The following PRKAA2 variants were observed in gnomAD, a reference collection of about 807,000 sequenced individuals.
The protein encoded by PRKAA2 is protein kinase AMP-activated catalytic subunit alpha 2.
PRKAA2 carries 40 observed loss-of-function variants against 56.3 expected under a neutral mutation model. The observed-to-expected ratio is 0.71, with a 90% confidence interval of 0.55 to 0.92. The LOEUF is 0.92. Among genes scored for constraint, PRKAA2 ranks in the 40% least tolerant of loss-of-function variants. PRKAA2 has a pLI of 0.00. For missense variants in PRKAA2, 542 were observed against 686.9 expected, an observed-to-expected ratio of 0.79 and a Z score of 2.36; for synonymous variants, 214 against 234.2, an observed-to-expected ratio of 0.91 and a Z score of 0.79.
In PRKAA2 at chr1:56,691,447, C is replaced by A; in HGVS notation, c.290C>A (p.Ser97Tyr). Residue 97 changes from serine (S) to tyrosine (Y), a missense_variant, in exon 3 of 9, where the codon TCT becomes TAT. Physicochemically the swap from Ser to Tyr is moderately radical, Grantham distance 144 (BLOSUM62 -2). This residue lies in a region of PRKAA2 where 121 missense variants were observed against 210.0 expected (regional missense o/e 0.58). Transcript: ENST00000371244. ...TDFFMVMEYV[S>Y]GGELFDYICK... ...TTTTTTATGGTAATGGAATATGTGT[C>A]TGGAGGTGAATTATTTGACTACATC... The A allele has an allele frequency of 6.2e-7, 1 of 1,612,370 alleles. No homozygotes were observed. Among genetic ancestry groups the A allele is most frequent in the South Asian group, 1.1e-5 (1 of 90,960 alleles).
chr1:56,664,037 G>T (rs756063262), intron 1 of PRKAA2, among the ~76,000 whole-genome samples: 1 of 152,148 alleles, frequency 6.6e-6, no homozygotes, highest in Non-Finnish European at 1.5e-5. Context: ...GGTCAGGGTT[G>T]CAGGGAGCAG....
chr1:56,668,040 T>C (rs1297709459), intron 1 of PRKAA2, among the ~76,000 whole-genome samples: 1 of 152,274 alleles, frequency 6.6e-6, no homozygotes, highest in African/African-American at 2.4e-5. Context: ...TAAAATACGA[T>C]GATAGACTTG....
chr1:56,666,750 A>G (rs1265288323), intron 1 of PRKAA2, among the ~76,000 whole-genome samples: 1 of 152,208 alleles, frequency 6.6e-6, no homozygotes, highest in Non-Finnish European at 1.5e-5. Context: ...AGACAGGCAG[A>G]GACATATATA....
chr1:56,671,386 C>T (rs1644075413), intron 1 of PRKAA2: 1 of 151,984 alleles, frequency 6.6e-6, no homozygotes, highest in Non-Finnish European at 1.5e-5. Flanking sequence ...TATAAAATTC[C>T]CAAAGATGAG....
chr1:56,681,849 G>A (rs7553414), intron 2 of PRKAA2, among the ~76,000 whole-genome samples: 18,459 of 151,970 alleles, frequency 0.12, 1,692 homozygotes, highest in African/African-American at 0.25. Context: ...GCTCTTTTTT[G>A]GTTCCATATG....
chr1:56,674,410 G>T lies in PRKAA2; in HGVS notation c.124G>T (p.Val42Leu). The T allele has an allele frequency of 1.3e-6, 2 of 1,580,098 alleles. No individual in the cohort carries two copies. The highest frequency in any genetic ancestry group is 8.6e-7 in the Non-Finnish European group (1 of 1,166,900). Reference sequence around the variant, plus strand: ...AGAACATCAATTAACAGGCCATAAAGTGGCAGTTAAAATCTTAAATAGACA... The same window carrying T: ...AGAACATCAATTAACAGGCCATAAATTGGCAGTTAAAATCTTAAATAGACA... ...IGEHQLTGHK[V>L]AVKILNRQKI... The change falls in exon 2 of 9, where the codon GTG becomes TTG. Residue 42 changes from valine (V) to leucine (L), a missense_variant. Around this residue, in one of 5 missense-constraint regions of PRKAA2, gnomAD observed 59 missense variants for 53.9 expected, o/e 1.09. Coordinates refer to ENST00000371244, the MANE Select transcript of PRKAA2 (RefSeq NM_006252.4).
At position 56,712,354 on chromosome 1, in the gene PRKAA2, G is replaced by A. The variant is rs1644374115; in HGVS notation, c.*4641G>A. 6.6e-6 allele frequency: 1 copy of A among 152,124 alleles called. No individual in the cohort carries two copies. The highest frequency in any genetic ancestry group is 1.9e-4 in the East Asian group (1 of 5,192). 9.4% of individuals were successfully genotyped at this position (152,124 alleles called of 1,614,324 possible). On this transcript the variant is annotated 3_prime_UTR_variant, in exon 9 of 9. Transcript: ENST00000371244. ...CTTTCAAGTCTTAGAGTGACATAAA[G>A]TAGTCTTAAATAAATAGTTCTTAGT...
In PRKAA2 at chr1:56,657,744, A is replaced by C. The variant is rs113190087; in HGVS notation, c.94+12263A>C. Among the ~76,000 whole-genome samples the C allele has an allele frequency of 3.1e-3, 471 of 152,320 alleles. 2 individuals carry two copies. The highest frequency in any genetic ancestry group is 0.01 in the African/African-American group (433 of 41,552). Reference sequence around the variant, plus strand: ...AGCAAGACTCCGTCTCAAAATAAATAAATGAATGAAAGAAGGAAGGAAGGC... The same window carrying C: ...AGCAAGACTCCGTCTCAAAATAAATCAATGAATGAAAGAAGGAAGGAAGGC... On this transcript the variant is annotated intron_variant, in intron 1 of 8. Transcript: ENST00000371244.
intron 1 of PRKAA2, among the ~76,000 whole-genome samples, chr1:56,656,788 G>T (rs1015970239): frequency 6.6e-6 from 1 of 152,112 alleles, no homozygotes; most frequent in African/African-American, 2.4e-5. Context: ...GATGTTTTTG[G>T]TTATGCCATC....
rs1394544976 is a variant in PRKAA2, at chr1:56,712,867, G to A, written c.*5154G>A. 6.6e-6 allele frequency: 1 copy of A among 151,616 alleles called. No homozygotes were observed. The highest frequency in any genetic ancestry group is 6.6e-5 in the Admixed American group (1 of 15,192). The allele number at this position is 151,616 out of a possible 1,614,324, so 9.4% of individuals were successfully genotyped here. The stretch of plus-strand genomic sequence containing the variant: ...ACTGTCTCAAAAAAAAACAAAAAAA[G>A]GAAAAAGAAAACTAGCCCCAGTCCC... On this transcript the variant is annotated 3_prime_UTR_variant, in exon 9 of 9. Coordinates refer to ENST00000371244, the MANE Select transcript of PRKAA2 (RefSeq NM_006252.4).
At chr1:56,661,555 T>G (rs561210640) in intron 1 of PRKAA2, among the ~76,000 whole-genome samples, 1 of 152,326 alleles carries the variant, frequency 6.6e-6, no homozygotes, top group African/African-American at 2.4e-5. Context: ...ACTATACTAT[T>G]ATTTGTCCAT....
intron 7 of PRKAA2, 123 bp downstream of exon 7, chr1:56,704,598 A>T: frequency 9.0e-7 from 1 of 1,108,360 alleles, no homozygotes; most frequent in Non-Finnish European, 1.3e-6. Context: ...TGCACATTAA[A>T]AACAAAACAA....
intron 2 of PRKAA2, among the ~76,000 whole-genome samples, chr1:56,685,704 C>A (rs1288613447): frequency 6.6e-6 from 1 of 152,048 alleles, no homozygotes; most frequent in Non-Finnish European, 1.5e-5. Flanking sequence ...GTGCATTTTG[C>A]TGCTATAAAG....
At position 56,660,039 on chromosome 1, in the gene PRKAA2, A is replaced by G. The variant is rs541372535; in HGVS notation, c.95-14342A>G. ...ATGTAAAATAGCCCATTTTCCTGTCACCTTGTCACTCTGCTTTCTTCATGT... is the reference window on the plus strand; with the variant it reads ...ATGTAAAATAGCCCATTTTCCTGTCGCCTTGTCACTCTGCTTTCTTCATGT... On this transcript the variant is annotated intron_variant, in intron 1 of 8. Coordinates refer to ENST00000371244, the MANE Select transcript of PRKAA2 (RefSeq NM_006252.4). 2.6e-3 allele frequency among the ~76,000 whole-genome samples: 393 copies of G among 152,222 alleles called. 2 individuals carry two copies. The highest frequency in any genetic ancestry group is 9.3e-3 in the African/African-American group (385 of 41,532).
At chr1:56,647,383 T>A (rs1284426860) in intron 1 of PRKAA2, among the ~76,000 whole-genome samples, 1 of 152,240 alleles carries the variant, frequency 6.6e-6, no homozygotes, top group Non-Finnish European at 1.5e-5. Context: ...AAGTTTTTGC[T>A]TGTCTTTTTA....
intron 5 of PRKAA2, among the ~76,000 whole-genome samples, chr1:56,695,197 T>TG (rs1557559966): frequency 7.7e-4 from 114 of 147,654 alleles, no homozygotes; most frequent in African/African-American, 2.6e-3. Context: ...TATATATATA[T>TG]ATATATTTTT....
chr1:56,664,050 A>G (rs1470829787), intron 1 of PRKAA2, among the ~76,000 whole-genome samples: 2 of 152,174 alleles, frequency 1.3e-5, no homozygotes, highest in Non-Finnish European at 2.9e-5. Context: ...GGGAGCAGTG[A>G]TTGCATCACT....
chr1:56,699,301 C>T (rs987448882), intron 6 of PRKAA2, among the ~76,000 whole-genome samples: 1 of 152,060 alleles, frequency 6.6e-6, no homozygotes, highest in African/African-American at 2.4e-5. Flanking sequence ...TATAATCTAA[C>T]CTTAAGTCAT....
intron 6 of PRKAA2, among the ~76,000 whole-genome samples, chr1:56,701,471 A>T (rs1644293005): frequency 1.3e-5 from 2 of 151,306 alleles, no homozygotes; most frequent in South Asian, 2.1e-4. Flanking sequence ...TAATATTATT[A>T]TATAGCCAAT....
Sources: allele counts gnomAD v4.1 joint callset (sites outside exome capture counted in the v4.1 genomes callset), GRCh38; gene constraint gnomAD v4.1.1; regional missense constraint gnomAD v4.1.1; transcripts MANE v1.5; gene names NCBI Gene and HGNC (gene_info 2026-07-23, HGNC 2026-07-21).